The following ZNF566 variants were observed in gnomAD, a reference collection of about 807,000 sequenced individuals.
ZNF566 encodes the protein zinc finger protein 566.
Under a neutral mutation model 32.8 loss-of-function variants are expected in ZNF566, and 27 were observed. The observed-to-expected ratio is 0.82, with a 90% CI of 0.61 to 1.14. ZNF566 has a LOEUF of 1.14. ZNF566 is among the 50% of genes most tolerant of loss of function. The pLI, the probability that ZNF566 is intolerant of heterozygous loss-of-function variation, is 0.00. For missense variants in ZNF566, 402 were observed against 490.4 expected (o/e 0.82, Z 1.70); for synonymous variants, 154 against 159.5 (o/e 0.97, Z 0.26).
chr19:36,456,268 G>A (rs2033307019), intron 4 of ZNF566, among the ~76,000 whole-genome samples: 1 of 151,238 alleles, frequency 6.6e-6, no homozygotes, highest in African/African-American at 2.4e-5. Flanking sequence ...AGGCATGGTG[G>A]CTCACGCCTG....
intron 4 of ZNF566, among the ~76,000 whole-genome samples, chr19:36,466,489 C>A (rs2033617208): frequency 6.6e-6 from 1 of 152,108 alleles, no homozygotes. Flanking sequence ...TCTGTGGATG[C>A]AGAATCCACA....
At chr19:36,470,669 G>C (rs1029718714) in intron 4 of ZNF566, among the ~76,000 whole-genome samples, 7 of 152,194 alleles carry the variant, frequency 4.6e-5, no homozygotes, top group Non-Finnish European at 8.8e-5. Context: ...CCAGCACGTT[G>C]GGAGGCCGAG....
intron 1 of ZNF566, among the ~76,000 whole-genome samples, chr19:36,481,473 G>GAAAA (rs79028574): frequency 4.8e-4 from 53 of 110,742 alleles, no homozygotes; most frequent in Non-Finnish European, 5.7e-4. Context: ...ACTGTCTCGG[G>GAAAA]AAAAAAAAAA....
intron 4 of ZNF566, among the ~76,000 whole-genome samples, chr19:36,452,371 A>C (rs2033180304): frequency 6.6e-6 from 1 of 151,816 alleles, no homozygotes. Flanking sequence ...GGGTTGTAAA[A>C]GAGGTCTGAA....
chr19:36,467,453 A>G (rs1310066634), intron 4 of ZNF566, among the ~76,000 whole-genome samples: 2 of 142,014 alleles, frequency 1.4e-5, no homozygotes, highest in East Asian at 4.1e-4. Flanking sequence ...AAAAAAAAAA[A>G]GAATTTCAAA....
At chr19:36,455,773 G>A (rs1487959049) in intron 4 of ZNF566, among the ~76,000 whole-genome samples, 1 of 150,784 alleles carries the variant, frequency 6.6e-6, no homozygotes, top group African/African-American at 2.4e-5. Flanking sequence ...TCATGCAGTG[G>A]CTTATGCCTG....
chr19:36,453,057 G>T (rs559680608), intron 4 of ZNF566, among the ~76,000 whole-genome samples: 13 of 151,308 alleles, frequency 8.6e-5, no homozygotes, highest in Non-Finnish European at 1.8e-4. Flanking sequence ...GGTGGAGGTT[G>T]CAGTGAGCTG....
At chr19:36,474,378 GC>G (rs1287870715) in intron 2 of ZNF566, among the ~76,000 whole-genome samples, 1 of 152,152 alleles carries the variant, frequency 6.6e-6, no homozygotes, top group African/African-American at 2.4e-5. Flanking sequence ...GAGGGGGGAA[GC>G]AATTAACCCC....
At position 36,449,446 on chromosome 19, in the gene ZNF566, G is replaced by A; in HGVS notation, c.788C>T (p.Ala263Val). Residue 263 changes from alanine to valine, a missense_variant, in exon 5 of 5, where the codon GCC becomes GTC. Physicochemically the swap from Ala to Val is moderately conservative, Grantham distance 64. Transcript: ENST00000452939. Reference sequence around the variant, plus strand: ...AGTGAAGTTTGAACCACTACTAAAGGCTTTCCCACATTCCTTACATTCATA... The same window carrying A: ...AGTGAAGTTTGAACCACTACTAAAGACTTTCCCACATTCCTTACATTCATA... ...KPYECKECGK[A>V]FSSGSNFTRH... 6.2e-7 allele frequency: 1 copy of A among 1,613,996 alleles called. No individual in the cohort carries two copies. The highest frequency in any genetic ancestry group is 2.2e-5 in the East Asian group (1 of 44,846).
chr19:36,456,779 T>C (rs1487888390), intron 4 of ZNF566, among the ~76,000 whole-genome samples: 1 of 152,102 alleles, frequency 6.6e-6, no homozygotes, highest in Non-Finnish European at 1.5e-5. Flanking sequence ...TCTGCATTCA[T>C]AAATGGGAAG....
rs1374823988 is a variant in ZNF566 at position 36,473,120 on chromosome 19, T to TACA, written c.137-117_137-115dup. 11 of 1,115,988 alleles carry TACA rather than the reference T, an allele frequency of 9.9e-6. No homozygotes were observed. The African/African-American group carries it at 1.7e-4, about 17-fold the overall frequency. The allele number at this position is 1,115,988 out of a possible 1,614,324, so 69.1% of individuals were successfully genotyped here. The stretch of plus-strand genomic sequence containing the variant: ...CATTATGAGAAGAGTCAAAGAGAGG[T>TACA]ACAACGGACTTATGAAACATAACGG... On this transcript the variant is annotated intron_variant, in intron 3 of 4. Transcript: ENST00000452939.
At chr19:36,459,234 T>C (rs1391852544) in intron 4 of ZNF566, among the ~76,000 whole-genome samples, 1 of 152,120 alleles carries the variant, frequency 6.6e-6, no homozygotes, top group Non-Finnish European at 1.5e-5. Flanking sequence ...AAAACAAATT[T>C]CCAGGGTTGA....
chr19:36,461,437 G>A (rs1287994267), intron 4 of ZNF566, among the ~76,000 whole-genome samples: 3 of 152,166 alleles, frequency 2.0e-5, no homozygotes, highest in South Asian at 4.1e-4. Flanking sequence ...TTGGGAGTCC[G>A]AGGCAGGTGG....
chr19:36,455,260 C>T (rs181790632), intron 4 of ZNF566, among the ~76,000 whole-genome samples: 8 of 152,120 alleles, frequency 5.3e-5, no homozygotes, highest in East Asian at 1.9e-4. Flanking sequence ...TAACATTATC[C>T]TCAACATTGG....
chr19:36,463,994 G>A (rs1396992031), intron 4 of ZNF566, among the ~76,000 whole-genome samples: 3 of 151,880 alleles, frequency 2.0e-5, no homozygotes, highest in Non-Finnish European at 4.4e-5. Flanking sequence ...CCAAAGTGTT[G>A]GGATTACAGG....
intron 2 of ZNF566, among the ~76,000 whole-genome samples, chr19:36,475,818 T>C (rs1214890793): frequency 6.6e-6 from 1 of 152,142 alleles, no homozygotes; most frequent in South Asian, 2.1e-4. Flanking sequence ...ATTCCAAACC[T>C]GATCTGGGTC....
rs1306883376 is a variant in ZNF566, at chr19:36,445,186, T to C, written c.*3791A>G. On this transcript the variant is annotated 3_prime_UTR_variant, in exon 5 of 5. Coordinates refer to ENST00000452939, the MANE Select transcript of ZNF566 (RefSeq NM_001145344.1). Reference sequence around the variant, plus strand: ...TATTAATAATATATACATACATCTTTATTTCCAAGTAATAAAAGCTATTGA... The same window carrying C: ...TATTAATAATATATACATACATCTTCATTTCCAAGTAATAAAAGCTATTGA... 1.3e-5 allele frequency: 2 copies of C among 152,154 alleles called. No individual in the cohort carries two copies. The highest frequency in any genetic ancestry group is 2.9e-5 in the Non-Finnish European group (2 of 68,034). 9.4% of individuals were successfully genotyped at this position (152,154 alleles called of 1,614,324 possible). A position where few individuals can be genotyped will look rare whatever the true frequency, so the allele number is the denominator to read the frequency against.
Position 36,448,822 on chromosome 19 carries a change from T to C in ZNF566, c.*155A>G, listed in dbSNP as rs2033060517. On this transcript the variant is annotated 3_prime_UTR_variant, in exon 5 of 5. Coordinates refer to ENST00000452939, the MANE Select transcript of ZNF566 (RefSeq NM_001145344.1). Reference sequence around the variant, plus strand: ...TCCAAAGTATATTCTATTCATAGAGTATTTCTCCAACATTATTTTTCCCAG... The same window carrying C: ...TCCAAAGTATATTCTATTCATAGAGCATTTCTCCAACATTATTTTTCCCAG... The C allele has an allele frequency of 3.1e-6, 2 of 643,966 alleles. No homozygotes were observed. The highest frequency in any genetic ancestry group is 6.8e-5 in the Admixed American group (2 of 29,394). The allele number at this position is 643,966 out of a possible 1,614,324, so 39.9% of individuals were successfully genotyped here.
chr19:36,483,557 T>C (rs1303464295), intron 1 of ZNF566, among the ~76,000 whole-genome samples: 1 of 152,012 alleles, frequency 6.6e-6, no homozygotes, highest in East Asian at 1.9e-4. Context: ...AAGAGCCAAC[T>C]TAAGGAGCTT....
Sources: gnomAD v4.1 joint callset for allele counts (sites outside exome capture counted in the v4.1 genomes callset) on GRCh38, gnomAD v4.1.1 for gene constraint, MANE v1.5 for transcripts, NCBI Gene and HGNC (gene_info 2026-07-23, HGNC 2026-07-21) for gene names.